The following BRCA2 variants were observed in gnomAD, a reference collection of about 807,000 sequenced individuals.
The protein encoded by BRCA2 is BRCA2 DNA repair associated.
Under a neutral mutation model 276.7 loss-of-function variants are expected in BRCA2, and 203 were observed. The ratio of observed to expected loss-of-function variants is 0.73; its 90% CI spans 0.65 to 0.82. The LOEUF is 0.82. BRCA2 is among the 40% of genes least tolerant of loss of function. BRCA2 has a pLI of 0.00. For missense variants in BRCA2, 3,920 were observed against 3,915.0 expected (o/e 1.00, Z -0.03); for synonymous variants, 1,289 against 1,338.4 (o/e 0.96, Z 0.81).
Position 32,362,520 on chromosome 13 carries a change from C to A in BRCA2, c.7806-3C>A, listed in dbSNP as rs863224598. 1 of 1,613,124 alleles carries A rather than the reference C, an allele frequency of 6.2e-7. No individual in the cohort carries two copies. Among genetic ancestry groups the A allele is most frequent in the South Asian group, 1.1e-5 (1 of 91,046 alleles). On this transcript the variant is annotated splice_polypyrimidine_tract_variant and splice_region_variant and intron_variant, in intron 16 of 26. Coordinates refer to ENST00000380152, the MANE Select transcript of BRCA2 (RefSeq NM_000059.4). ...TGATAATATTCTACTTTTATTTGTT[C>A]AGGGCTCTGTGTGACACTCCAGGTG...
At position 32,339,743 on chromosome 13, in the gene BRCA2, T is replaced by C. The variant is rs1555284205; in HGVS notation, c.5388T>C (p.Asp1796=). 2.5e-6 allele frequency: 4 copies of C among 1,613,928 alleles called. No homozygotes were observed. The highest frequency in any genetic ancestry group is 3.4e-6 in the Non-Finnish European group (4 of 1,179,874). The change falls in exon 11 of 27, where the codon GAT becomes GAC. Residue 1796 remains aspartate, a synonymous_variant. Coordinates refer to ENST00000380152, the MANE Select transcript of BRCA2 (RefSeq NM_000059.4). ...SFSKVISNVK[D]ANAYPQTVNE... The stretch of plus-strand genomic sequence containing the variant: ...CCAAAGTAATATCCAATGTAAAAGA[T>C]GCAAATGCATACCCACAAACTGTAA...
chr13:32,380,284 C>T lies in BRCA2; in HGVS notation c.9256+139C>T, dbSNP rs74047016. ...GATCTGAAAGTAAGCCTCTTTGAAC[C>T]TCTGATTTTTCATGAAAAGCAATTC... On this transcript the variant is annotated intron_variant, in intron 24 of 26. Coordinates refer to ENST00000380152, the MANE Select transcript of BRCA2 (RefSeq NM_000059.4). 2,333 of 806,744 alleles carry T rather than the reference C, an allele frequency of 2.9e-3. 38 individuals are homozygous for T. In the African/African-American group the frequency reaches 0.037, roughly 13 times the overall value. The allele number at this position is 806,744 out of a possible 1,614,324, so 50.0% of individuals were successfully genotyped here. A position where few individuals can be genotyped will look rare whatever the true frequency, so the allele number is the denominator to read the frequency against.
intron 3 of BRCA2, among the ~76,000 whole-genome samples, chr13:32,321,306 C>T (rs1387954754): frequency 1.3e-5 from 2 of 152,160 alleles, no homozygotes; most frequent in African/African-American, 4.8e-5. Context: ...TGTCCTTTGA[C>T]CTCTAAGTAC....
Position 32,370,567 on chromosome 13 carries a change from A to G in BRCA2, c.8487+10A>G, listed in dbSNP as rs431825367. The stretch of plus-strand genomic sequence containing the variant: ...AGCATACCCTATACAGGTATGATGT[A>G]TTCTTGAAACTTACCATATATTTCT... On this transcript the variant is annotated intron_variant, in intron 19 of 26. Transcript: ENST00000380152. 1 of 1,604,418 alleles carries G rather than the reference A, an allele frequency of 6.2e-7. No homozygotes were observed. The highest frequency in any genetic ancestry group is 8.5e-7 in the Non-Finnish European group (1 of 1,171,196).
chr13:32,326,294 AC>A lies in BRCA2; in HGVS notation c.516+14del, dbSNP rs1336445194. On this transcript the variant is annotated intron_variant, in intron 6 of 26. Coordinates refer to ENST00000380152, the MANE Select transcript of BRCA2 (RefSeq NM_000059.4). The stretch of plus-strand genomic sequence containing the variant: ...CAAAGTTTGTGAAGGTAAATATTCT[AC>A]CTGGTTTATTTTTATGACTTAGTAA... 1.3e-5 allele frequency: 21 copies of A among 1,609,450 alleles called. No homozygotes were observed. Among genetic ancestry groups the A allele is most frequent in the Non-Finnish European group, 1.7e-5 (20 of 1,176,174 alleles).
chr13:32,354,994 C>T lies in BRCA2; in HGVS notation c.7141C>T (p.Pro2381Ser), dbSNP rs777305503. The change falls in exon 14 of 27, where the codon CCA (proline) becomes TCA (serine). Residue 2381 changes from proline (P) to serine (S), a missense_variant. Physicochemically the swap from Pro to Ser is moderately conservative, Grantham distance 74. Coordinates refer to ENST00000380152, the MANE Select transcript of BRCA2 (RefSeq NM_000059.4). ...AAGCAATTTAGCAGTTTCAGGACATCCATTTTATCAAGTTTCTGCTACAAG... is the reference window on the plus strand; with the variant it reads ...AAGCAATTTAGCAGTTTCAGGACATTCATTTTATCAAGTTTCTGCTACAAG... ...SSSNLAVSGH[P>S]FYQVSATRNE... The T allele has an allele frequency of 1.2e-6, 2 of 1,613,468 alleles. No homozygotes were observed. Among genetic ancestry groups the T allele is most frequent in the African/African-American group, 1.3e-5 (1 of 74,898 alleles).
In BRCA2 at chr13:32,376,809, C is replaced by T. The variant is rs768949172; in HGVS notation, c.8754+18C>T. ...ACCTTGAGGTGAGAGAGTAAGAGGA[C>T]ATATAATGAGGCTTGATGATTATTC... On this transcript the variant is annotated intron_variant, in intron 21 of 26. Transcript: ENST00000380152. 6.2e-7 allele frequency: 1 copy of T among 1,613,444 alleles called. No individual in the cohort carries two copies. The highest frequency in any genetic ancestry group is 1.3e-5 in the African/African-American group (1 of 75,014).
rs1135401939 is a variant in BRCA2 at position 32,370,577 on chromosome 13, C to A, written c.8487+20C>A. The A allele has an allele frequency of 1.9e-6, 3 of 1,599,838 alleles. No individual in the cohort carries two copies. In the Admixed American group the frequency reaches 5.0e-5, roughly 27 times the overall value. On this transcript the variant is annotated intron_variant, in intron 19 of 26. Coordinates refer to ENST00000380152, the MANE Select transcript of BRCA2 (RefSeq NM_000059.4). ...ATACAGGTATGATGTATTCTTGAAA[C>A]TTACCATATATTTCTTTCTTTTGAT...
At position 32,334,982 on chromosome 13, in the gene BRCA2, T is replaced by C. The variant is rs954125919; in HGVS notation, c.1910-1283T>C. The stretch of plus-strand genomic sequence containing the variant: ...GGTGAGACCACAGTACAGAACTGTT[T>C]GAAGTTTGGGTTAAATTTTTAGAGG... On this transcript the variant is annotated intron_variant, in intron 10 of 26. Transcript: ENST00000380152. Among the ~76,000 whole-genome samples, 5 of 152,208 alleles carry C rather than the reference T, an allele frequency of 3.3e-5. No individual in the cohort carries two copies. The East Asian group carries it at 9.6e-4, about 29-fold the overall frequency.
intron 13 of BRCA2, among the ~76,000 whole-genome samples, chr13:32,350,594 CA>C (rs1343181146): frequency 1.3e-5 from 2 of 151,846 alleles, no homozygotes; most frequent in South Asian, 2.1e-4. Context: ...CTAAAAATAA[CA>C]AAACAAAATT....
At chr13:32,350,983 G>A (rs981156175) in intron 13 of BRCA2, among the ~76,000 whole-genome samples, 4 of 151,888 alleles carry the variant, frequency 2.6e-5, no homozygotes, top group Admixed American at 2.0e-4. Context: ...TAAACGCACC[G>A]GTCAGCACTC....
chr13:32,343,802 G>A (rs1361002920), intron 11 of BRCA2, among the ~76,000 whole-genome samples: 1 of 151,858 alleles, frequency 6.6e-6, no homozygotes, highest in Non-Finnish European at 1.5e-5. Flanking sequence ...GTATAACTTA[G>A]TCAGCTTCTG....
chr13:32,388,069 C>T (rs552045969), intron 24 of BRCA2, among the ~76,000 whole-genome samples: 12 of 151,666 alleles, frequency 7.9e-5, no homozygotes, highest in African/African-American at 2.4e-4. Context: ...TCTCCGCACA[C>T]GAGAACACCC....
chr13:32,376,535 A>AAT, intron 20 of BRCA2, 135 bp from the exon 21 acceptor site: 2 of 1,016,080 alleles, frequency 2.0e-6, no homozygotes, highest in Non-Finnish European at 2.8e-6. Context: ...AAAAAAAAAA[A>AAT]GAAAAAACTT....
In BRCA2 at chr13:32,318,623, A is replaced by C. The variant is rs11571583; in HGVS notation, c.68-454A>C. On this transcript the variant is annotated intron_variant, in intron 2 of 26. Coordinates refer to ENST00000380152, the MANE Select transcript of BRCA2 (RefSeq NM_000059.4). ...TGCTTGGCTAATTTTTTGTGTTTTT[A>C]GTAAAGATGGGGTTTCAACGTGTTA... is the stretch of plus-strand genomic sequence containing the variant. Among the ~76,000 whole-genome samples, 42,083 of 151,750 alleles carry C rather than the reference A, an allele frequency of 0.28. 5,963 individuals carry two copies. Among genetic ancestry groups the C allele is most frequent in the East Asian group, 0.4 (2,043 of 5,134 alleles).
At chr13:32,372,300 G>C (rs774343424) in intron 20 of BRCA2, among the ~76,000 whole-genome samples, 12 of 152,156 alleles carry the variant, frequency 7.9e-5, no homozygotes, top group Non-Finnish European at 1.8e-4. Context: ...TACTTTCTTT[G>C]CTTATCCATA....
At chr13:32,333,774 C>G (rs1034401012) in intron 10 of BRCA2, among the ~76,000 whole-genome samples, 4 of 152,122 alleles carry the variant, frequency 2.6e-5, no homozygotes, top group African/African-American at 9.7e-5. Flanking sequence ...CCCCCACACA[C>G]CCCCACCTCC....
At position 32,339,268 on chromosome 13, in the gene BRCA2, A is replaced by C. The variant is rs771425987; in HGVS notation, c.4913A>C (p.Lys1638Thr). 6.2e-7 allele frequency: 1 copy of C among 1,610,576 alleles called. No homozygotes were observed. Among genetic ancestry groups the C allele is most frequent in the Admixed American group, 1.7e-5 (1 of 59,286 alleles). ...KTSKSIFLKVKVHENVEKETA... is the reference protein window; with the variant it reads ...KTSKSIFLKVTVHENVEKETA... ...TCAAAAAGTATCTTTTTGAAAGTTA[A>C]AGTACATGAAAATGTAGAAAAAGAA... is the stretch of plus-strand genomic sequence containing the variant. Residue 1638 changes from lysine (K) to threonine (T), a missense_variant, in exon 11 of 27, where the codon AAA becomes ACA. Physicochemically the swap from Lys to Thr is moderately conservative, Grantham distance 78. Around this residue, in one of 2 missense-constraint regions of BRCA2, gnomAD observed 3,263 missense variants for 3,156.9 expected, o/e 1.03. Coordinates refer to ENST00000380152, the MANE Select transcript of BRCA2 (RefSeq NM_000059.4).
At chr13:32,344,032 G>A (rs2072591924) in intron 11 of BRCA2, among the ~76,000 whole-genome samples, 2 of 151,962 alleles carry the variant, frequency 1.3e-5, no homozygotes, top group Admixed American at 1.3e-4. Context: ...CTTAGCCTCT[G>A]TAGAATTTTT....
Sources: gnomAD v4.1 joint callset for allele counts (sites outside exome capture counted in the v4.1 genomes callset) on GRCh38, gnomAD v4.1.1 for gene constraint, gnomAD v4.1.1 regional missense constraint, MANE v1.5 for transcripts, NCBI Gene and HGNC (gene_info 2026-07-23, HGNC 2026-07-21) for gene names.